NAP1L4: variants seen among roughly 807,000 people sequenced by gnomAD.
The protein encoded by NAP1L4 is nucleosome assembly protein 1 like 4.
Under a neutral mutation model 58.2 loss-of-function variants are expected in NAP1L4, and 15 were observed. The observed-to-expected ratio is 0.26, with a 90% CI of 0.17 to 0.40. The LOEUF is 0.40. Among genes scored for constraint, NAP1L4 ranks in the 10% least tolerant of loss-of-function variants. NAP1L4 has a pLI of 1.00. For missense variants in NAP1L4, 384 were observed against 451.1 expected, an observed-to-expected ratio of 0.85 and a Z score of 1.35; for synonymous variants, 171 against 155.6, an observed-to-expected ratio of 1.10 and a Z score of -0.74.
intron 8 of NAP1L4, among the ~76,000 whole-genome samples, chr11:2,964,217 A>C (rs1326758761): frequency 1.3e-5 from 2 of 152,136 alleles, no homozygotes. Flanking sequence ...TAAACGTTAA[A>C]CATATACATT....
At chr11:2,969,232 C>T (rs1847485673) in intron 7 of NAP1L4, among the ~76,000 whole-genome samples, 1 of 152,076 alleles carries the variant, frequency 6.6e-6, no homozygotes, top group African/African-American at 2.4e-5. Context: ...CTACCTTGAC[C>T]TCCCAAAGTG....
chr11:2,970,213 G>A (rs757187595), intron 6 of NAP1L4, among the ~76,000 whole-genome samples: 1 of 152,142 alleles, frequency 6.6e-6, no homozygotes, highest in Non-Finnish European at 1.5e-5. Flanking sequence ...GCTGGGAAAG[G>A]CCATCCAGTG....
At chr11:2,945,678 G>A in intron 15 of NAP1L4, 32 bp from the exon 16 acceptor site, 1 of 1,524,064 alleles carries the variant, frequency 6.6e-7, no homozygotes, top group Non-Finnish European at 8.8e-7. Flanking sequence ...CTTGTAGAGA[G>A]CAAAGCCAGC....
At chr11:2,964,827 A>C in intron 7 of NAP1L4, 76 bp from the exon 8 acceptor site, 1 of 1,054,414 alleles carries the variant, frequency 9.5e-7, no homozygotes, top group Non-Finnish European at 1.4e-6. Context: ...TCATGGTTGC[A>C]GAGGCTCCCA....
chr11:2,959,868 A>G lies in NAP1L4; in HGVS notation c.648T>C (p.Phe216=). 1 of 1,614,236 alleles carries G rather than the reference A, an allele frequency of 6.2e-7. No homozygotes were observed. The highest frequency in any genetic ancestry group is 1.1e-5 in the South Asian group (1 of 91,086). Residue 216 remains phenylalanine, a synonymous_variant, in exon 9 of 16, where the codon TTT becomes TTC. Coordinates refer to ENST00000380542, the MANE Select transcript of NAP1L4 (RefSeq NM_005969.4). The surrounding 1 kb of genome is among the most constrained non-coding windows in gnomAD (Gnocchi z 4.9). Reference sequence around the variant, plus strand: ...AGGTTTTTGTCAGGACTGAGTTGGTAAAGTAGTCGTTGGGTTCAAAGTGGA... The same window carrying G: ...AGGTTTTTGTCAGGACTGAGTTGGTGAAGTAGTCGTTGGGTTCAAAGTGGA... ...LEFHFEPNDY[F]TNSVLTKTYK...
At chr11:2,972,308 T>C (rs767847625) in intron 4 of NAP1L4, 65 bp from the exon 5 acceptor site, 5 of 1,423,632 alleles carry the variant, frequency 3.5e-6, no homozygotes, top group Non-Finnish European at 3.8e-6. Context: ...TGCTTTTCAA[T>C]TTTATTAAAA....
intron 1 of NAP1L4, chr11:2,990,506 C>A (rs1848896686): frequency 6.6e-6 from 1 of 152,214 alleles, no homozygotes; most frequent in African/African-American, 2.4e-5. Flanking sequence ...CTATAGGAGG[C>A]ATTTGGCATT....
At position 2,949,527 on chromosome 11, in the gene NAP1L4, T is replaced by A. The variant is rs1846114433; in HGVS notation, c.1123-263A>T. Among the ~76,000 whole-genome samples, 1 of 152,184 alleles carries A rather than the reference T, an allele frequency of 6.6e-6. No homozygotes were observed. The highest frequency in any genetic ancestry group is 2.4e-5 in the African/African-American group (1 of 41,444). On this transcript the variant is annotated intron_variant, in intron 14 of 15. Transcript: ENST00000380542. The surrounding 1 kb of genome is among the most constrained non-coding windows in gnomAD (Gnocchi z 4.0). ...CTTGCACAGACTCTAACACTGCCCA[T>A]CTCTCTGGAAGGTGCATGTGACAGG...
At chr11:2,977,008 G>GT (rs1379594225) in intron 3 of NAP1L4, among the ~76,000 whole-genome samples, 4 of 152,144 alleles carry the variant, frequency 2.6e-5, no homozygotes, top group Non-Finnish European at 5.9e-5. Flanking sequence ...CATGATGTGG[G>GT]TAAGTCAAAC....
chr11:2,969,792 A>G lies in NAP1L4; in HGVS notation c.534+11T>C, dbSNP rs748416791. On this transcript the variant is annotated intron_variant, in intron 7 of 15. Transcript: ENST00000380542. ...GCACATAATCTCTCTACAAGACAGA[A>G]GTGTGCTTACCTGGACTAATTCACT... 1.9e-6 allele frequency: 3 copies of G among 1,606,574 alleles called. No homozygotes were observed. Among genetic ancestry groups the G allele is most frequent in the Non-Finnish European group, 2.5e-6 (3 of 1,176,544 alleles).
At chr11:2,953,328 GT>G (rs1453325250) in intron 12 of NAP1L4, among the ~76,000 whole-genome samples, 2 of 152,236 alleles carry the variant, frequency 1.3e-5, no homozygotes, top group African/African-American at 4.8e-5. Context: ...GATCAAAACA[GT>G]TTCAGATAAG....
chr11:2,964,058 G>C (rs1041116514), intron 8 of NAP1L4, among the ~76,000 whole-genome samples: 1 of 152,052 alleles, frequency 6.6e-6, no homozygotes, highest in Non-Finnish European at 1.5e-5. Context: ...GCCATGGCAA[G>C]CATATTGTAA....
chr11:2,977,617 G>A (rs1447774087), intron 3 of NAP1L4, among the ~76,000 whole-genome samples: 1 of 152,126 alleles, frequency 6.6e-6, no homozygotes, highest in African/African-American at 2.4e-5. Context: ...GAGAAAACCA[G>A]GGAAACAGGA....
Position 2,945,531 on chromosome 11 carries a change from G to A in NAP1L4, c.*148C>T, listed in dbSNP as rs566203529. ...GAGTAAGCTCTGTCCACGGGATTGT[G>A]CTGCGGCAAGGACCGAGGCCCCGCC... On this transcript the variant is annotated 3_prime_UTR_variant, in exon 16 of 16. Transcript: ENST00000380542. 72 of 1,276,076 alleles carry A rather than the reference G, an allele frequency of 5.6e-5. No individual in the cohort carries two copies. Among genetic ancestry groups the A allele is most frequent in the Non-Finnish European group, 7.6e-5 (70 of 916,442 alleles). 79.0% of individuals were successfully genotyped at this position (1,276,076 alleles called of 1,614,324 possible).
chr11:2,952,970 A>G (rs1846319220), intron 12 of NAP1L4, among the ~76,000 whole-genome samples: 1 of 152,198 alleles, frequency 6.6e-6, no homozygotes, highest in African/African-American at 2.4e-5. Flanking sequence ...TTATGCCAAC[A>G]CTTACTGAGT....
chr11:2,965,973 T>G (rs777251997), intron 7 of NAP1L4, among the ~76,000 whole-genome samples: 1 of 152,194 alleles, frequency 6.6e-6, no homozygotes, highest in African/African-American at 2.4e-5. Context: ...TTCTTTAAAC[T>G]CATTTTGCCA....
At chr11:2,950,990 G>T in intron 14 of NAP1L4, 1 of 382,376 alleles carries the variant, frequency 2.6e-6, no homozygotes, top group Non-Finnish European at 4.6e-6. Context: ...GAAACACTTG[G>T]AAAGTCAAGT....
Position 2,951,917 on chromosome 11 carries a change from A to C in NAP1L4, c.1036-108T>G. Reference sequence around the variant, plus strand: ...ACTGACCAAGCCTAAGAGGAGCAGAAAGTCCAGCCACGCTGCCTGCTGGGC... The same window carrying C: ...ACTGACCAAGCCTAAGAGGAGCAGACAGTCCAGCCACGCTGCCTGCTGGGC... On this transcript the variant is annotated intron_variant, in intron 12 of 15. Coordinates refer to ENST00000380542, the MANE Select transcript of NAP1L4 (RefSeq NM_005969.4). This position sits in a 1 kb window ranked among gnomAD's most constrained non-coding sequence, Gnocchi z 4.0. 9.1e-7 allele frequency: 1 copy of C among 1,101,906 alleles called. No individual in the cohort carries two copies. Among genetic ancestry groups the C allele is most frequent in the South Asian group, 1.3e-5 (1 of 78,092 alleles). The allele number at this position is 1,101,906 out of a possible 1,614,324, so 68.3% of individuals were successfully genotyped here.
At chr11:2,980,584 G>A (rs12292300) in intron 1 of NAP1L4, among the ~76,000 whole-genome samples, 15,957 of 152,186 alleles carry the variant, frequency 0.1, 984 homozygotes, top group African/African-American at 0.16. Context: ...GTGTGGTTAC[G>A]AAGTTCCTTA....
Sources: allele counts gnomAD v4.1 joint callset (sites outside exome capture counted in the v4.1 genomes callset), GRCh38; gene constraint gnomAD v4.1.1; non-coding constraint Gnocchi (gnomAD v3.1); transcripts MANE v1.5; gene names NCBI Gene and HGNC (gene_info 2026-07-23, HGNC 2026-07-21).